ABLIM3: variants seen among roughly 807,000 people sequenced by gnomAD.
ABLIM3 encodes the protein actin binding LIM protein family member 3.
Under a neutral mutation model 109.5 loss-of-function variants are expected in ABLIM3, and 61 were observed. The ratio of observed to expected loss-of-function variants is 0.56; its 90% CI spans 0.45 to 0.69. The LOEUF (loss-of-function observed/expected upper bound fraction) is 0.69. Among genes scored for constraint, ABLIM3 ranks in the 30% least tolerant of loss-of-function variants. The pLI, the probability that ABLIM3 is intolerant of heterozygous loss-of-function variation, is 0.00. For synonymous variants in ABLIM3, 300 were observed against 324.8 expected (o/e 0.92, Z 0.82); for missense variants, 796 against 889.5 (o/e 0.89, Z 1.34).
chr5:149,190,887 C>T (rs1317222334), intron 3 of ABLIM3, among the ~76,000 whole-genome samples: 1 of 152,120 alleles, frequency 6.6e-6, no homozygotes, highest in African/African-American at 2.4e-5. Context: ...TCAGAAAACT[C>T]TTGAAACCGA....
In ABLIM3 at chr5:149,258,229, T is replaced by C. The variant is rs1581263522; in HGVS notation, c.1939-62T>C. 7 of 1,504,880 alleles carry C rather than the reference T, an allele frequency of 4.7e-6. No individual in the cohort carries two copies. In the East Asian group the frequency reaches 1.6e-4, roughly 34 times the overall value. 93.2% of individuals were successfully genotyped at this position (1,504,880 alleles called of 1,614,324 possible). The stretch of plus-strand genomic sequence containing the variant: ...TGCTGCCTCCAGCTACCCCTGCATC[T>C]TGCATCCTCATGCTGCTCTCTTTCT... On this transcript the variant is annotated intron_variant, in intron 23 of 23. Transcript: ENST00000309868.
intron 14 of ABLIM3, among the ~76,000 whole-genome samples, chr5:149,241,376 A>C (rs1752824770): frequency 6.6e-6 from 1 of 152,260 alleles, no homozygotes; most frequent in Admixed American, 6.5e-5. Context: ...TAAATAAAAC[A>C]GGCCATCCTG....
At chr5:149,221,692 A>G (rs1760667844) in intron 8 of ABLIM3, among the ~76,000 whole-genome samples, 1 of 152,218 alleles carries the variant, frequency 6.6e-6, no homozygotes, top group African/African-American at 2.4e-5. Flanking sequence ...TAGGTCACTC[A>G]TTTTGTGCAG....
chr5:149,249,920 A>G, intron 19 of ABLIM3, 76 bp downstream of exon 19: 1 of 1,535,700 alleles, frequency 6.5e-7, no homozygotes, highest in Non-Finnish European at 9.0e-7. Context: ...AGTTCTCCAT[A>G]GTTCTAATGA....
At chr5:149,211,061 A>G (rs1433014513) in intron 7 of ABLIM3, among the ~76,000 whole-genome samples, 2 of 152,222 alleles carry the variant, frequency 1.3e-5, no homozygotes, top group Non-Finnish European at 1.5e-5. Context: ...AATCAGTTGT[A>G]TCTTTGATTC....
At chr5:149,197,442 G>A (rs757873766) in intron 3 of ABLIM3, among the ~76,000 whole-genome samples, 5 of 152,130 alleles carry the variant, frequency 3.3e-5, no homozygotes, top group East Asian at 1.9e-4. Flanking sequence ...CACCGGTTCC[G>A]TGGACCATCA....
intron 8 of ABLIM3, among the ~76,000 whole-genome samples, chr5:149,222,685 T>TA (rs1760781097): frequency 7.4e-6 from 1 of 134,550 alleles, no homozygotes; most frequent in South Asian, 2.4e-4. Flanking sequence ...TTTTTTTTTT[T>TA]AGCTCAGAGG....
intron 5 of ABLIM3, among the ~76,000 whole-genome samples, chr5:149,203,167 A>C (rs1464134706): frequency 6.6e-6 from 1 of 151,778 alleles, no homozygotes; most frequent in Non-Finnish European, 1.5e-5. Context: ...TACTATCATC[A>C]TCACCACAAT....
chr5:149,242,460 C>T (rs200550103), intron 14 of ABLIM3, 31 bp from the exon 15 acceptor site: 1 of 1,611,086 alleles, frequency 6.2e-7, no homozygotes, highest in African/African-American at 1.3e-5. Context: ...TCTCTCCCCT[C>T]CCCACTGTCC....
chr5:149,188,204 A>G (rs1285554042), intron 3 of ABLIM3, among the ~76,000 whole-genome samples: 1 of 152,236 alleles, frequency 6.6e-6, no homozygotes, highest in Non-Finnish European at 1.5e-5. Context: ...AGGCATCCAG[A>G]TTAAAAAGGA....
chr5:149,212,566 G>A (rs995673480), intron 7 of ABLIM3, among the ~76,000 whole-genome samples: 4 of 152,148 alleles, frequency 2.6e-5, no homozygotes, highest in African/African-American at 9.7e-5. Context: ...CAATGGAGAG[G>A]GAAGCCACCC....
At chr5:149,252,452 G>T in intron 22 of ABLIM3, 2 of 554,988 alleles carry the variant, frequency 3.6e-6, no homozygotes, top group East Asian at 5.9e-5. Context: ...CTGTTGGCTT[G>T]CCAGTCACCA....
intron 3 of ABLIM3, among the ~76,000 whole-genome samples, chr5:149,193,550 CT>C (rs1158515325): frequency 3.3e-5 from 5 of 152,054 alleles, no homozygotes; most frequent in African/African-American, 1.2e-4. Flanking sequence ...TCTGGTTGAA[CT>C]ATATAGTCAA....
intron 10 of ABLIM3, among the ~76,000 whole-genome samples, chr5:149,236,504 C>A (rs1227505908): frequency 2.0e-5 from 3 of 152,146 alleles, no homozygotes; most frequent in African/African-American, 4.8e-5. Flanking sequence ...GAGGGAACAG[C>A]TGGAGGACAT....
intron 2 of ABLIM3, among the ~76,000 whole-genome samples, chr5:149,148,618 T>A (rs1399543971): frequency 1.3e-5 from 2 of 152,124 alleles, no homozygotes. Flanking sequence ...ATCCCTACTC[T>A]GTATCACACT....
At chr5:149,174,890 A>G (rs531746326) in intron 2 of ABLIM3, among the ~76,000 whole-genome samples, 1 of 152,372 alleles carries the variant, frequency 6.6e-6, no homozygotes, top group African/African-American at 2.4e-5. Context: ...TATCTGTCTC[A>G]TGAAGTCATG....
chr5:149,195,327 G>A (rs1209497490), intron 3 of ABLIM3, among the ~76,000 whole-genome samples: 1 of 152,210 alleles, frequency 6.6e-6, no homozygotes, highest in Admixed American at 6.5e-5. Context: ...TTTACATTGA[G>A]CATTTATTCC....
chr5:149,177,269 G>C (rs1756022926), intron 2 of ABLIM3, among the ~76,000 whole-genome samples: 1 of 152,196 alleles, frequency 6.6e-6, no homozygotes, highest in Admixed American at 6.5e-5. Flanking sequence ...AATGAATGCA[G>C]ATTAATGCCA....
intron 8 of ABLIM3, among the ~76,000 whole-genome samples, chr5:149,225,842 A>G (rs1193255199): frequency 6.6e-6 from 1 of 151,598 alleles, no homozygotes; most frequent in East Asian, 1.9e-4. Context: ...TACTTAGAAT[A>G]ATGGCCTCCA....
Sources: gnomAD v4.1 joint callset for allele counts (sites outside exome capture counted in the v4.1 genomes callset) on GRCh38, gnomAD v4.1.1 for gene constraint, MANE v1.5 for transcripts, NCBI Gene and HGNC (gene_info 2026-07-23, HGNC 2026-07-21) for gene names.